Variants in PCSK5 observed in about 807,000 individuals in gnomAD.
The protein encoded by PCSK5 is proprotein convertase subtilisin/kexin type 5, also known as prohormone convertase 5.
A neutral mutation model predicts 233.2 loss-of-function variants in PCSK5; 129 were observed. The ratio of observed to expected loss-of-function variants is 0.55; its 90% CI spans 0.48 to 0.64. PCSK5 has a LOEUF of 0.64. Among genes scored for constraint, PCSK5 ranks in the 30% least tolerant of loss-of-function variants. The probability of loss-of-function intolerance (pLI) is 0.00; values close to 1 mark genes in which losing one functional copy is unlikely to be tolerated. For synonymous variants in PCSK5, 825 were observed against 879.2 expected, an observed-to-expected ratio of 0.94 and a Z score of 1.09; for missense variants, 2,076 against 2,430.1, an observed-to-expected ratio of 0.85 and a Z score of 3.06.
At chr9:76,283,294 A>C (rs1827938951) in intron 24 of PCSK5, among the ~76,000 whole-genome samples, 2 of 152,166 alleles carry the variant, frequency 1.3e-5, no homozygotes, top group South Asian at 4.1e-4. Context: ...CATGTAAAGG[A>C]GGGTCAATCA....
At chr9:76,148,819 C>T (rs749084285) in intron 10 of PCSK5, among the ~76,000 whole-genome samples, 24 of 152,292 alleles carry the variant, frequency 1.6e-4, no homozygotes, top group African/African-American at 3.4e-4. Flanking sequence ...TCTGATATCC[C>T]GTATAACAAA....
intron 5 of PCSK5, among the ~76,000 whole-genome samples, chr9:76,047,983 C>T (rs1829482639): frequency 6.6e-6 from 1 of 152,022 alleles, no homozygotes; most frequent in Non-Finnish European, 1.5e-5. Flanking sequence ...TCGGTTTTTC[C>T]AAGGGCATTT....
chr9:76,348,357 G>A (rs1309947287), intron 35 of PCSK5, among the ~76,000 whole-genome samples: 1 of 152,182 alleles, frequency 6.6e-6, no homozygotes, highest in Admixed American at 6.5e-5. Flanking sequence ...TTTGCAGTGA[G>A]CTGAGATTGC....
intron 3 of PCSK5, among the ~76,000 whole-genome samples, chr9:76,009,242 A>G (rs928262278): frequency 2.6e-5 from 4 of 152,132 alleles, no homozygotes; most frequent in Admixed American, 2.6e-4. Context: ...GAGGATAACA[A>G]AAAAAAGGTT....
chr9:76,069,166 A>C (rs577231786), intron 6 of PCSK5, among the ~76,000 whole-genome samples: 1 of 152,152 alleles, frequency 6.6e-6, no homozygotes, highest in East Asian at 1.9e-4. Flanking sequence ...TATTAAGCAC[A>C]ATGCATATGA....
chr9:76,103,883 AGATGTGCCATCAG>A (rs1163705593), intron 8 of PCSK5, among the ~76,000 whole-genome samples: 1 of 152,204 alleles, frequency 6.6e-6, no homozygotes, highest in African/African-American at 2.4e-5. Flanking sequence ...GGAGCATGCA[AGATGTGCCATCAG>A]GATTTAAACC....
chr9:76,348,196 G>A (rs1374176278), intron 35 of PCSK5, among the ~76,000 whole-genome samples: 2 of 152,120 alleles, frequency 1.3e-5, no homozygotes, highest in African/African-American at 4.8e-5. Flanking sequence ...ATCACTTGAG[G>A]TTAGGTGTTC....
chr9:76,282,071 T>C (rs1827885613), intron 24 of PCSK5, among the ~76,000 whole-genome samples: 1 of 145,488 alleles, frequency 6.9e-6, no homozygotes, highest in Non-Finnish European at 1.5e-5. Context: ...TTTCTTTTTT[T>C]TTTTCCCCAC....
chr9:76,028,020 C>T (rs1828501671), intron 5 of PCSK5, among the ~76,000 whole-genome samples: 1 of 152,126 alleles, frequency 6.6e-6, no homozygotes, highest in Admixed American at 6.5e-5. Context: ...ACCTAGAAAA[C>T]TGTCACTGTA....
chr9:76,247,489 G>A (rs1826652471), intron 24 of PCSK5, among the ~76,000 whole-genome samples: 1 of 152,082 alleles, frequency 6.6e-6, no homozygotes, highest in Non-Finnish European at 1.5e-5. Context: ...TAGCATTTTA[G>A]TGAGCTCTCT....
chr9:76,286,154 A>G (rs1828057967), intron 24 of PCSK5, among the ~76,000 whole-genome samples: 1 of 152,204 alleles, frequency 6.6e-6, no homozygotes, highest in South Asian at 2.1e-4. Context: ...TTCCCCCCAT[A>G]AACAGAGACA....
chr9:75,961,064 A>C (rs1825332569), intron 2 of PCSK5, among the ~76,000 whole-genome samples: 1 of 152,242 alleles, frequency 6.6e-6, no homozygotes, highest in Middle Eastern at 3.2e-3. Context: ...GCTTCTTGCT[A>C]ATCAAACAAA....
At chr9:76,344,135 C>T (rs1829912289) in intron 35 of PCSK5, among the ~76,000 whole-genome samples, 1 of 152,184 alleles carries the variant, frequency 6.6e-6, no homozygotes, top group Non-Finnish European at 1.5e-5. Context: ...TGCTCAGTGG[C>T]TACCTGTGGC....
chr9:76,019,464 C>A (rs924861450), intron 3 of PCSK5, among the ~76,000 whole-genome samples: 21 of 152,258 alleles, frequency 1.4e-4, no homozygotes, highest in African/African-American at 4.8e-4. Flanking sequence ...TAATGAACAA[C>A]AGATGTTTTC....
chr9:75,908,935 C>T (rs1461242049), intron 1 of PCSK5, among the ~76,000 whole-genome samples: 2 of 116,232 alleles, frequency 1.7e-5, no homozygotes, highest in Non-Finnish European at 4.1e-5. Context: ...CTCTATCTCT[C>T]TCTCTGTCTA....
intron 11 of PCSK5, 94 bp from the exon 12 acceptor site, chr9:76,158,889 A>G (rs773883291): frequency 9.7e-7 from 1 of 1,027,172 alleles, no homozygotes; most frequent in Non-Finnish European, 1.5e-6. Flanking sequence ...TCAGCTGCTT[A>G]TCTTACATTG....
intron 2 of PCSK5, among the ~76,000 whole-genome samples, chr9:75,965,294 G>A (rs1825533035): frequency 6.7e-6 from 1 of 149,194 alleles, no homozygotes; most frequent in South Asian, 2.1e-4. Context: ...TGTGTGTGGA[G>A]AGAGAGAGAG....
intron 2 of PCSK5, among the ~76,000 whole-genome samples, chr9:75,961,498 A>T (rs2131344452): frequency 6.6e-6 from 1 of 152,352 alleles, no homozygotes; most frequent in Non-Finnish European, 1.5e-5. Flanking sequence ...CGTCTGAGGA[A>T]CTGGATTTTT....
chr9:76,056,371 C>T (rs961371815), intron 5 of PCSK5, among the ~76,000 whole-genome samples: 2 of 151,820 alleles, frequency 1.3e-5, no homozygotes, highest in South Asian at 2.1e-4. Context: ...TTAACAGATA[C>T]GGAAGAAAAA....
Sources: gnomAD v4.1 joint callset for allele counts (sites outside exome capture counted in the v4.1 genomes callset) on GRCh38, gnomAD v4.1.1 for gene constraint, MANE v1.5 for transcripts, NCBI Gene and HGNC (gene_info 2026-07-23, HGNC 2026-07-21) for gene names.